MYT1L: variants seen among roughly 807,000 people sequenced by gnomAD.
MYT1L encodes myelin transcription factor 1 like, also known as myelin transcription factor 1-like protein.
A neutral mutation model predicts 126.7 loss-of-function variants in MYT1L; 12 were observed. The observed-to-expected ratio is 0.09, with a 90% confidence interval of 0.06 to 0.15. The LOEUF (loss-of-function observed/expected upper bound fraction) is 0.15. Ranked by LOEUF, MYT1L falls within the 10% of genes least tolerant of loss-of-function variation. The probability of loss-of-function intolerance (pLI) is 1.00; values close to 1 mark genes in which losing one functional copy is unlikely to be tolerated. For synonymous variants in MYT1L, 541 were observed against 604.2 expected, an observed-to-expected ratio of 0.90 and a Z score of 1.53; for missense variants, 979 against 1,585.2, an observed-to-expected ratio of 0.62 and a Z score of 6.49.
rs996521539 is a variant in MYT1L, at chr2:1,910,455, G to A, written c.1710-108C>T. ...GATGCAGGTGGAGCTGGTGAGGGAGGGGTAGTTTCCCAAACCTGGCACAGG... is the reference window on the plus strand; with the variant it reads ...GATGCAGGTGGAGCTGGTGAGGGAGAGGTAGTTTCCCAAACCTGGCACAGG... On this transcript the variant is annotated intron_variant, in intron 12 of 24. Transcript: ENST00000647738. This position sits in a 1 kb window ranked among gnomAD's most constrained non-coding sequence, Gnocchi z 4.8. 9.6e-7 allele frequency: 1 copy of A among 1,040,350 alleles called. No homozygotes were observed. The highest frequency in any genetic ancestry group is 2.6e-5 in the East Asian group (1 of 39,054). 64.4% of individuals were successfully genotyped at this position (1,040,350 alleles called of 1,614,324 possible).
At position 1,910,692 on chromosome 2, in the gene MYT1L, C is replaced by A. The variant is rs866485750; in HGVS notation, c.1710-345G>T. 3.9e-4 allele frequency among the ~76,000 whole-genome samples: 59 copies of A among 152,260 alleles called. No homozygotes were observed. Among genetic ancestry groups the A allele is most frequent in the Middle Eastern group, 3.4e-3 (1 of 294 alleles). ...TCCATTTCTGGAGATGAAGAATTAACAGCTTGGGTAGGATGAGTTTTGAAG... is the reference window on the plus strand; with the variant it reads ...TCCATTTCTGGAGATGAAGAATTAAAAGCTTGGGTAGGATGAGTTTTGAAG... On this transcript the variant is annotated intron_variant, in intron 12 of 24. Coordinates refer to ENST00000647738, the MANE Select transcript of MYT1L (RefSeq NM_001303052.2). This position sits in a 1 kb window ranked among gnomAD's most constrained non-coding sequence, Gnocchi z 4.8.
intron 2 of MYT1L, among the ~76,000 whole-genome samples, chr2:2,191,823 G>A (rs533665157): frequency 6.6e-6 from 1 of 152,274 alleles, no homozygotes; most frequent in East Asian, 1.9e-4. Context: ...TGGCCTAGAG[G>A]AAGAATCTTC....
intron 2 of MYT1L, among the ~76,000 whole-genome samples, chr2:2,270,787 C>T (rs1559511354): frequency 6.6e-6 from 1 of 152,146 alleles, no homozygotes; most frequent in African/African-American, 2.4e-5. Flanking sequence ...AGTCAGGATG[C>T]CGTGCCCCCT....
At chr2:2,320,778 A>C (rs2096149855) in intron 1 of MYT1L, among the ~76,000 whole-genome samples, 1 of 152,352 alleles carries the variant, frequency 6.6e-6, no homozygotes, top group African/African-American at 2.4e-5. Flanking sequence ...GAAGGAAGTC[A>C]GCAAGTCTAT....
Position 1,892,136 on chromosome 2 carries a change from C to A in MYT1L, c.2184G>T (p.Ala728=), listed in dbSNP as rs761058752. The A allele has an allele frequency of 1.0e-4, 161 of 1,547,630 alleles. No individual in the cohort carries two copies. Among genetic ancestry groups the A allele is most frequent in the Non-Finnish European group, 9.9e-5 (113 of 1,146,662 alleles). The change falls in exon 15 of 25, where the codon GCG becomes GCT. Residue 728 remains alanine (A), a synonymous_variant. Coordinates refer to ENST00000647738, the MANE Select transcript of MYT1L (RefSeq NM_001303052.2). ...GGATGGCGGTGGCCGCCATGTGGGC[C>A]GCCTCCATGTCGTGCGTGTAGTCGA... ...SSFDYTHDME[A]AHMAATAILN...
intron 3 of MYT1L, among the ~76,000 whole-genome samples, chr2:2,079,212 C>T (rs1418577029): frequency 6.6e-6 from 1 of 151,582 alleles, no homozygotes; most frequent in Non-Finnish European, 1.5e-5. Flanking sequence ...ATAAAAAATA[C>T]AAAAATAAAA....
At chr2:2,276,425 CA>C (rs1259738866) in intron 2 of MYT1L, among the ~76,000 whole-genome samples, 2 of 152,256 alleles carry the variant, frequency 1.3e-5, no homozygotes, top group East Asian at 3.9e-4. Context: ...TAAAATGTTA[CA>C]AATATGTCAG....
chr2:2,134,462 A>G (rs2148062227), intron 3 of MYT1L, among the ~76,000 whole-genome samples: 1 of 152,330 alleles, frequency 6.6e-6, no homozygotes, highest in African/African-American at 2.4e-5. Flanking sequence ...CTATTAACAG[A>G]ATGTCTGTGT....
At chr2:2,213,290 G>C (rs954147355) in intron 2 of MYT1L, among the ~76,000 whole-genome samples, 1 of 152,186 alleles carries the variant, frequency 6.6e-6, no homozygotes, top group Non-Finnish European at 1.5e-5. Flanking sequence ...GGAAACCCAG[G>C]GAGAGCCAGT....
At chr2:1,841,335 T>C (rs1266374535) in intron 19 of MYT1L, 1 of 149,656 alleles carries the variant, frequency 6.7e-6, no homozygotes, top group Non-Finnish European at 1.5e-5. Flanking sequence ...GGCTAATTTT[T>C]TGTATTTTTT....
At chr2:2,032,418 A>AT (rs2066425433) in intron 4 of MYT1L, among the ~76,000 whole-genome samples, 2 of 41,694 alleles carry the variant, frequency 4.8e-5, no homozygotes, top group Middle Eastern at 0.025. Context: ...CCTTACACAC[A>AT]CCCTCGCCAG....
chr2:2,091,723 A>G (rs80288344), intron 3 of MYT1L, among the ~76,000 whole-genome samples: 3,176 of 152,318 alleles, frequency 0.021, 55 homozygotes, highest in Middle Eastern at 0.058. Flanking sequence ...AATGTAACCA[A>G]CTTCATCAGT....
At chr2:2,269,001 C>G (rs2095202914) in intron 2 of MYT1L, among the ~76,000 whole-genome samples, 7 of 152,082 alleles carry the variant, frequency 4.6e-5, no homozygotes, top group Admixed American at 4.6e-4. Context: ...ATGGTGCACC[C>G]AAGCATTCGG....
chr2:1,876,106 T>A (rs1266193957), intron 18 of MYT1L, among the ~76,000 whole-genome samples: 1 of 152,100 alleles, frequency 6.6e-6, no homozygotes, highest in Non-Finnish European at 1.5e-5. Context: ...GATTCCCGGG[T>A]ATTTTCAGTG....
chr2:2,082,471 T>C (rs2075942986), intron 3 of MYT1L, among the ~76,000 whole-genome samples: 1 of 152,216 alleles, frequency 6.6e-6, no homozygotes, highest in Non-Finnish European at 1.5e-5. Context: ...GTCACATGCC[T>C]TAAGCCAAGC....
At chr2:1,836,743 AATTCCATCAGCCTGTACCCCAAG>A in intron 21 of MYT1L, among the ~76,000 whole-genome samples, 1 of 141,416 alleles carries the variant, frequency 7.1e-6, no homozygotes, top group Non-Finnish European at 1.5e-5. Flanking sequence ...TGCATCCCAA[AATTCCATCAGCCTGTACCCCAAG>A]ATTCCATCAG....
chr2:2,301,555 C>A (rs1466017607), intron 1 of MYT1L, among the ~76,000 whole-genome samples: 2 of 152,076 alleles, frequency 1.3e-5, no homozygotes, highest in Non-Finnish European at 2.9e-5. Context: ...ATGGGCCTGG[C>A]ACAATGGCTC....
At chr2:2,105,055 C>T (rs72767375) in intron 3 of MYT1L, among the ~76,000 whole-genome samples, 3,209 of 152,226 alleles carry the variant, frequency 0.021, 57 homozygotes, top group Non-Finnish European at 0.028. Context: ...CTAATTTCCT[C>T]GTGTTCTGTA....
chr2:2,181,098 G>A (rs566819715), intron 2 of MYT1L, among the ~76,000 whole-genome samples: 5 of 151,606 alleles, frequency 3.3e-5, no homozygotes, highest in African/African-American at 1.2e-4. Context: ...CTGTGTACCT[G>A]TGTGTGAACA....
Sources: gnomAD v4.1 joint callset for allele counts (sites outside exome capture counted in the v4.1 genomes callset) on GRCh38, gnomAD v4.1.1 for gene constraint, Gnocchi (gnomAD v3.1) non-coding constraint, MANE v1.5 for transcripts, NCBI Gene and HGNC (gene_info 2026-07-23, HGNC 2026-07-21) for gene names.